The following ADARB1 variants were observed in gnomAD, a reference collection of about 807,000 sequenced individuals.
ADARB1 encodes the protein double-stranded RNA-specific editase 1.
A neutral mutation model predicts 52.4 loss-of-function variants in ADARB1; 10 were observed. The observed-to-expected ratio is 0.19, with a 90% CI of 0.12 to 0.32. The LOEUF (loss-of-function observed/expected upper bound fraction) is 0.32, where lower values mean the gene tolerates loss of function less well. Among genes scored for constraint, ADARB1 ranks in the 10% least tolerant of loss-of-function variants. ADARB1 has a pLI of 1.00. For missense variants in ADARB1, 643 were observed against 922.3 expected (o/e 0.70, Z 3.92); for synonymous variants, 349 against 371.1 (o/e 0.94, Z 0.68).
intron 1 of ADARB1, among the ~76,000 whole-genome samples, chr21:45,085,113 G>A (rs1001945773): frequency 2.6e-5 from 4 of 152,192 alleles, no homozygotes; most frequent in African/African-American, 9.7e-5. Flanking sequence ...GCCCTCTCTT[G>A]TGTCATTGTT....
Position 45,109,316 on chromosome 21 carries a change from G to A in ADARB1, c.-219-19086G>A, listed in dbSNP as rs563176856. On this transcript the variant is annotated intron_variant, in intron 1 of 10. Coordinates refer to ENST00000348831, the MANE Select transcript of ADARB1 (RefSeq NM_001112.4). ...CATATATGTGTGTGCACGTGTGTGC[G>A]CGCGTGTGCGTATATGTGTGTGCAC... Among the ~76,000 whole-genome samples, 6 of 152,326 alleles carry A rather than the reference G, an allele frequency of 3.9e-5. No individual in the cohort carries two copies. In the South Asian group the frequency reaches 1.0e-3, roughly 26 times the overall value.
chr21:45,084,602 A>G (rs2086269927), intron 1 of ADARB1, among the ~76,000 whole-genome samples: 1 of 152,202 alleles, frequency 6.6e-6, no homozygotes, highest in African/African-American at 2.4e-5. Context: ...GTTGTTTTTC[A>G]CTTCTGTAAG....
chr21:45,086,433 C>CTA (rs959988448), intron 1 of ADARB1, among the ~76,000 whole-genome samples: 1 of 152,220 alleles, frequency 6.6e-6, no homozygotes, highest in Admixed American at 6.5e-5. Flanking sequence ...TCACCACTGT[C>CTA]TAGTTCTTGA....
At chr21:45,162,706 G>A (rs370268428) in intron 2 of ADARB1, among the ~76,000 whole-genome samples, 23 of 152,224 alleles carry the variant, frequency 1.5e-4, no homozygotes, top group African/African-American at 3.1e-4. Flanking sequence ...GCCCATGAGC[G>A]CTCCTTCATG....
intron 8 of ADARB1, among the ~76,000 whole-genome samples, chr21:45,198,455 A>G (rs559696898): frequency 7.3e-5 from 10 of 136,860 alleles, no homozygotes; most frequent in Non-Finnish European, 1.1e-4. Context: ...TGACTTAAGC[A>G]TATGCAGAAA....
intron 1 of ADARB1, among the ~76,000 whole-genome samples, chr21:45,125,475 C>T (rs1479705032): frequency 6.6e-6 from 1 of 152,252 alleles, no homozygotes; most frequent in Non-Finnish European, 1.5e-5. Flanking sequence ...TGAGTTGGCT[C>T]CCCAGAGACA....
At chr21:45,153,229 C>A (rs2090388887) in intron 2 of ADARB1, among the ~76,000 whole-genome samples, 1 of 152,068 alleles carries the variant, frequency 6.6e-6, no homozygotes, top group Admixed American at 6.5e-5. Flanking sequence ...TGTTTTAAGT[C>A]ATTAAAATCT....
intron 1 of ADARB1, among the ~76,000 whole-genome samples, chr21:45,087,374 C>A (rs572254573): frequency 6.6e-6 from 1 of 152,122 alleles, no homozygotes; most frequent in Non-Finnish European, 1.5e-5. Flanking sequence ...TTCCAGGGCA[C>A]GTGGATGTGA....
intron 1 of ADARB1, among the ~76,000 whole-genome samples, chr21:45,107,887 C>G (rs2087329576): frequency 6.6e-6 from 1 of 152,062 alleles, no homozygotes. Context: ...CATGGCAAAA[C>G]CTATTTTTAC....
chr21:45,141,968 C>G (rs2145900765), intron 2 of ADARB1, among the ~76,000 whole-genome samples: 2 of 151,972 alleles, frequency 1.3e-5, no homozygotes, highest in Non-Finnish European at 2.9e-5. Context: ...GGTCACCTTA[C>G]CCACCCTTTC....
At chr21:45,190,725 T>C (rs2092258145) in intron 8 of ADARB1, among the ~76,000 whole-genome samples, 1 of 152,244 alleles carries the variant, frequency 6.6e-6, no homozygotes, top group African/African-American at 2.4e-5. Context: ...CCTCTGTTTT[T>C]AGTGGCTCCC....
At chr21:45,215,387 A>AT (rs368317847) in intron 9 of ADARB1, among the ~76,000 whole-genome samples, 240 of 149,888 alleles carry the variant, frequency 1.6e-3, no homozygotes, top group South Asian at 7.2e-3. Context: ...AGCTCAAGAC[A>AT]TTTTTTTTTT....
At position 45,220,670 on chromosome 21, in the gene ADARB1, T is replaced by G. The variant is rs1352316149; in HGVS notation, c.1748-166T>G. On this transcript the variant is annotated intron_variant, in intron 9 of 10. Coordinates refer to ENST00000348831, the MANE Select transcript of ADARB1 (RefSeq NM_001112.4). The surrounding 1 kb of genome is among the most constrained non-coding windows in gnomAD (Gnocchi z 6.3). Reference sequence around the variant, plus strand: ...TGGCCGTGGAAGAGTGTGAGGCCACTGCCACGGCAGATGCACGCTCAAGTC... The same window carrying G: ...TGGCCGTGGAAGAGTGTGAGGCCACGGCCACGGCAGATGCACGCTCAAGTC... Among the ~76,000 whole-genome samples the G allele has an allele frequency of 6.6e-6, 1 of 152,218 alleles. No individual in the cohort carries two copies. Among genetic ancestry groups the G allele is most frequent in the Non-Finnish European group, 1.5e-5 (1 of 68,030 alleles).
At chr21:45,109,178 T>C (rs1488065169) in intron 1 of ADARB1, among the ~76,000 whole-genome samples, 1 of 139,308 alleles carries the variant, frequency 7.2e-6, no homozygotes, top group Admixed American at 7.4e-5. Context: ...TGTGCGCGCG[T>C]GTGCGTATAT....
chr21:45,197,918 C>T (rs1422430317), intron 8 of ADARB1, among the ~76,000 whole-genome samples: 4 of 151,928 alleles, frequency 2.6e-5, no homozygotes, highest in Non-Finnish European at 4.4e-5. Flanking sequence ...GGGGACAGAA[C>T]GAGATGTAAG....
At position 45,223,118 on chromosome 21, in the gene ADARB1, C is replaced by G. The variant is rs781142980; in HGVS notation, c.*921C>G. On this transcript the variant is annotated 3_prime_UTR_variant, in exon 11 of 11. Transcript: ENST00000348831. ...GCACAATACATGGCCTAAGTTCCCTCTGTTCCTTCCTCTGAATCGAATGGA... is the reference window on the plus strand; with the variant it reads ...GCACAATACATGGCCTAAGTTCCCTGTGTTCCTTCCTCTGAATCGAATGGA... The G allele has an allele frequency of 2.0e-5, 20 of 985,346 alleles. No individual in the cohort carries two copies. The highest frequency in any genetic ancestry group is 2.4e-5 in the Non-Finnish European group (20 of 829,944). The allele number at this position is 985,346 out of a possible 1,614,324, so 61.0% of individuals were successfully genotyped here.
chr21:45,215,373 T>C (rs1952572960), intron 9 of ADARB1, among the ~76,000 whole-genome samples: 2 of 152,226 alleles, frequency 1.3e-5, no homozygotes, highest in South Asian at 4.1e-4. Context: ...CAGATGTCTT[T>C]ATCAGCTCAA....
At position 45,141,370 on chromosome 21, in the gene ADARB1, A is replaced by G. The variant is rs1456605686; in HGVS notation, c.-48+12797A>G. ...GGTTTTACAGAATATATTTCAAAGG[A>G]TTGCCATTCTGTTTTATTTTTAGTA... is the stretch of plus-strand genomic sequence containing the variant. On this transcript the variant is annotated intron_variant, in intron 2 of 10. Coordinates refer to ENST00000348831, the MANE Select transcript of ADARB1 (RefSeq NM_001112.4). Among the ~76,000 whole-genome samples, 3 of 152,302 alleles carry G rather than the reference A, an allele frequency of 2.0e-5. No individual in the cohort carries two copies. In the East Asian group the frequency reaches 5.8e-4, roughly 29 times the overall value.
At chr21:45,076,826 G>A (rs1226480362) in intron 1 of ADARB1, among the ~76,000 whole-genome samples, 6 of 152,182 alleles carry the variant, frequency 3.9e-5, no homozygotes, top group East Asian at 1.9e-4. Context: ...ACTTGTCTGT[G>A]GCCTGTTATG....
Sources: allele counts gnomAD v4.1 joint callset (sites outside exome capture counted in the v4.1 genomes callset), GRCh38; gene constraint gnomAD v4.1.1; non-coding constraint Gnocchi (gnomAD v3.1); transcripts MANE v1.5; gene names NCBI Gene and HGNC (gene_info 2026-07-23, HGNC 2026-07-21).